Variants in GALNT11 observed in about 807,000 individuals in gnomAD.
The protein encoded by GALNT11 is polypeptide N-acetylgalactosaminyltransferase 11.
Under a neutral mutation model 72.7 loss-of-function variants are expected in GALNT11, and 47 were observed. The ratio of observed to expected loss-of-function variants is 0.65; its 90% CI spans 0.51 to 0.82. GALNT11 has a LOEUF of 0.82. Ranked by LOEUF, GALNT11 falls within the 40% of genes least tolerant of loss-of-function variation. The pLI is 0.00. For synonymous variants in GALNT11, 270 were observed against 286.6 expected, an observed-to-expected ratio of 0.94 and a Z score of 0.58; for missense variants, 677 against 778.4, an observed-to-expected ratio of 0.87 and a Z score of 1.55.
intron 1 of GALNT11, among the ~76,000 whole-genome samples, chr7:152,088,338 G>A (rs920299178): frequency 2.0e-5 from 3 of 152,202 alleles, no homozygotes; most frequent in South Asian, 2.1e-4. Context: ...TAAGAATTGA[G>A]TGTTGAATTG....
At chr7:152,077,161 T>C (rs749378882) in intron 1 of GALNT11, among the ~76,000 whole-genome samples, 1 of 152,244 alleles carries the variant, frequency 6.6e-6, no homozygotes, top group Non-Finnish European at 1.5e-5. Flanking sequence ...GCCTGCACTC[T>C]TTGAAATGCC....
chr7:152,068,127 C>T (rs1240600319), intron 1 of GALNT11, among the ~76,000 whole-genome samples: 1 of 152,128 alleles, frequency 6.6e-6, no homozygotes, highest in Non-Finnish European at 1.5e-5. Flanking sequence ...TCATATTACA[C>T]AGAAGTTGCC....
chr7:152,052,218 T>C (rs1242140064), intron 1 of GALNT11, among the ~76,000 whole-genome samples: 1 of 152,162 alleles, frequency 6.6e-6, no homozygotes, highest in African/African-American at 2.4e-5. Context: ...TAATATTCCA[T>C]TGTGTGTATA....
chr7:152,081,015 C>T (rs1003560219), intron 1 of GALNT11, among the ~76,000 whole-genome samples: 2 of 152,040 alleles, frequency 1.3e-5, no homozygotes, highest in Admixed American at 6.6e-5. Flanking sequence ...TAATTGCCAG[C>T]ACCCTGAATG....
chr7:152,071,733 A>G (rs1167335841), intron 1 of GALNT11, among the ~76,000 whole-genome samples: 1 of 152,218 alleles, frequency 6.6e-6, no homozygotes. Context: ...AAATTATAAA[A>G]GTATTAATTT....
intron 10 of GALNT11, chr7:152,120,526 A>T: frequency 3.6e-6 from 1 of 277,562 alleles, no homozygotes; most frequent in South Asian, 3.8e-5. Flanking sequence ...TCACCTACAC[A>T]GTCCAGGAAT....
chr7:152,087,456 G>A (rs1195481479), intron 1 of GALNT11, among the ~76,000 whole-genome samples: 1 of 152,214 alleles, frequency 6.6e-6, no homozygotes. Flanking sequence ...AGGACAAAAT[G>A]AATGCAGAGA....
In GALNT11 at chr7:152,025,887, G is replaced by T; in HGVS notation, c.-39+3G>T. 3.7e-6 allele frequency: 1 copy of T among 270,404 alleles called. No homozygotes were observed. Among genetic ancestry groups the T allele is most frequent in the South Asian group, 3.0e-5 (1 of 32,860 alleles). 16.8% of individuals were successfully genotyped at this position (270,404 alleles called of 1,614,324 possible). ...GATCCTGGGCTGCGGGCAAGGCGGT[G>T]AGTACCCTCTAGGCGGCGGCCTCCC... On this transcript the variant is annotated splice_donor_region_variant and intron_variant, in intron 1 of 11. Coordinates refer to ENST00000430044, the MANE Select transcript of GALNT11 (RefSeq NM_022087.4).
chr7:152,087,003 A>G (rs1034210533), intron 1 of GALNT11, among the ~76,000 whole-genome samples: 1 of 152,216 alleles, frequency 6.6e-6, no homozygotes, highest in African/African-American at 2.4e-5. Flanking sequence ...ATTTGCAAGC[A>G]TGTTGCTAAC....
At chr7:152,097,805 A>T (rs1422346172) in intron 2 of GALNT11, among the ~76,000 whole-genome samples, 1 of 152,266 alleles carries the variant, frequency 6.6e-6, no homozygotes, top group Non-Finnish European at 1.5e-5. Flanking sequence ...AGGCAGGTCC[A>T]TGGAGACAGA....
chr7:152,097,683 CGTT>C (rs1563069859), intron 2 of GALNT11, among the ~76,000 whole-genome samples: 3 of 152,322 alleles, frequency 2.0e-5, no homozygotes, highest in East Asian at 3.9e-4. Context: ...AAGGGAATGA[CGTT>C]GTGATCATGC....
intron 1 of GALNT11, among the ~76,000 whole-genome samples, chr7:152,069,400 A>T (rs561864059): frequency 6.6e-6 from 1 of 152,202 alleles, no homozygotes; most frequent in East Asian, 1.9e-4. Flanking sequence ...CCATGATTGG[A>T]TGGAATTTTC....
In GALNT11 at chr7:152,110,636, A is replaced by G; in HGVS notation, c.1071A>G (p.Ile357Met). The change falls in exon 7 of 12, where the codon ATA becomes ATG. Residue 357 changes from isoleucine (I) to methionine (M), a missense_variant. By Grantham distance (10) the Ile-to-Met change is conservative. Transcript: ENST00000430044. Reference sequence around the variant, plus strand: ...TCTGGGGAGGAGAAAATTTGGAAATATCATTTCGGGTAATTTAATTTTTGC... The same window carrying G: ...TCTGGGGAGGAGAAAATTTGGAAATGTCATTTCGGGTAATTTAATTTTTGC... ...MDIWGGENLE[I>M]SFRIWMCGGK... is the part of the protein sequence containing the mutation. 2 of 1,602,056 alleles carry G rather than the reference A, an allele frequency of 1.2e-6. No individual in the cohort carries two copies. The highest frequency in any genetic ancestry group is 1.7e-6 in the Non-Finnish European group (2 of 1,171,328).
intron 1 of GALNT11, among the ~76,000 whole-genome samples, chr7:152,070,924 C>T (rs2084600009): frequency 2.0e-5 from 3 of 152,078 alleles, no homozygotes; most frequent in African/African-American, 7.3e-5. Context: ...TTCCGTGATG[C>T]CCAACAAGCC....
chr7:152,067,306 T>G (rs1302825721), intron 1 of GALNT11, among the ~76,000 whole-genome samples: 2 of 152,216 alleles, frequency 1.3e-5, no homozygotes, highest in African/African-American at 4.8e-5. Flanking sequence ...TCCCTTCTTG[T>G]ACTGTAGTCC....
chr7:152,117,501 C>A lies in GALNT11; in HGVS notation c.1452+126C>A, dbSNP rs546452433. 4.3e-5 allele frequency: 39 copies of A among 904,788 alleles called. No individual in the cohort carries two copies. In the East Asian group the frequency reaches 4.5e-4, roughly 10 times the overall value. The allele number at this position is 904,788 out of a possible 1,614,324, so 56.0% of individuals were successfully genotyped here. On this transcript the variant is annotated intron_variant, in intron 9 of 11. Transcript: ENST00000430044. ...GAGTGTAATGACAGGCTTCAGCTTG[C>A]CTTTCATTATATTCTCTTTATGGGA...
intron 1 of GALNT11, among the ~76,000 whole-genome samples, chr7:152,054,815 G>C (rs1035996412): frequency 6.6e-6 from 1 of 152,020 alleles, no homozygotes; most frequent in Admixed American, 6.6e-5. Flanking sequence ...CACTGAGCTT[G>C]GCATGTTCAT....
intron 1 of GALNT11, among the ~76,000 whole-genome samples, chr7:152,053,488 G>T (rs1174355758): frequency 6.6e-6 from 1 of 152,196 alleles, no homozygotes; most frequent in African/African-American, 2.4e-5. Flanking sequence ...TCATCTTCAA[G>T]TGTTTCAGAC....
At chr7:152,078,643 C>T (rs1037053854) in intron 1 of GALNT11, among the ~76,000 whole-genome samples, 4 of 152,102 alleles carry the variant, frequency 2.6e-5, no homozygotes, top group African/African-American at 9.7e-5. Context: ...ATTCATTTTC[C>T]TTAGATTGAG....
Sources: gnomAD v4.1 joint callset for allele counts (sites outside exome capture counted in the v4.1 genomes callset) on GRCh38, gnomAD v4.1.1 for gene constraint, MANE v1.5 for transcripts, NCBI Gene and HGNC (gene_info 2026-07-23, HGNC 2026-07-21) for gene names.